The following PTPRD variants were observed in gnomAD, a reference collection of about 807,000 sequenced individuals.
PTPRD encodes receptor-type tyrosine-protein phosphatase delta.
PTPRD carries 34 observed loss-of-function variants against 214.5 expected under a neutral mutation model. That is an observed-to-expected ratio of 0.16 (90% confidence interval 0.12 to 0.21). The LOEUF (loss-of-function observed/expected upper bound fraction) is 0.21, where lower values mean the gene tolerates loss of function less well. Ranked by LOEUF, PTPRD falls within the 10% of genes least tolerant of loss-of-function variation. The pLI is 1.00. For missense variants in PTPRD, 2,545 were observed against 2,398.7 expected, an observed-to-expected ratio of 1.06 and a Z score of -1.27; for synonymous variants, 1,128 against 845.7, an observed-to-expected ratio of 1.33 and a Z score of -5.79.
chr9:9,464,319 C>T (rs956368619), intron 8 of PTPRD, among the ~76,000 whole-genome samples: 3 of 152,118 alleles, frequency 2.0e-5, no homozygotes, highest in Admixed American at 2.0e-4. Context: ...ATCCCCACAG[C>T]TTATTGTTTC....
chr9:8,543,760 TG>T (rs1391501419), intron 14 of PTPRD, among the ~76,000 whole-genome samples: 2 of 152,180 alleles, frequency 1.3e-5, no homozygotes, highest in East Asian at 3.9e-4. Flanking sequence ...TTGTCCAGGC[TG>T]GAGTGCAATG....
intron 2 of PTPRD, among the ~76,000 whole-genome samples, chr9:10,568,509 A>G (rs935736681): frequency 4.6e-5 from 7 of 152,060 alleles, no homozygotes; most frequent in Non-Finnish European, 1.0e-4. Context: ...GTCAAATGGT[A>G]TTTCTAGTTC....
chr9:10,076,965 T>C (rs1051308696), intron 3 of PTPRD, among the ~76,000 whole-genome samples: 2 of 152,180 alleles, frequency 1.3e-5, no homozygotes, highest in Non-Finnish European at 2.9e-5. Flanking sequence ...ACACACTATG[T>C]ACAACCTGAC....
At chr9:8,916,401 T>A (rs2098786144) in intron 11 of PTPRD, among the ~76,000 whole-genome samples, 1 of 152,132 alleles carries the variant, frequency 6.6e-6, no homozygotes, top group Non-Finnish European at 1.5e-5. Context: ...AAGTAGTGGA[T>A]ACACTATGAG....
chr9:10,290,998 A>G (rs1259511005), intron 3 of PTPRD, among the ~76,000 whole-genome samples: 3 of 150,120 alleles, frequency 2.0e-5, no homozygotes, highest in South Asian at 2.1e-4. Flanking sequence ...CTTTTTTTAA[A>G]AACAAATTCC....
At chr9:10,286,450 T>C (rs2095356682) in intron 3 of PTPRD, among the ~76,000 whole-genome samples, 1 of 151,672 alleles carries the variant, frequency 6.6e-6, no homozygotes, top group Non-Finnish European at 1.5e-5. Flanking sequence ...AGAAAATAAA[T>C]ACATTTAAAA....
At chr9:8,778,835 T>C (rs1021243871) in intron 11 of PTPRD, among the ~76,000 whole-genome samples, 5 of 152,098 alleles carry the variant, frequency 3.3e-5, no homozygotes, top group African/African-American at 7.2e-5. Context: ...ACAGAGCCCA[T>C]AGGGTTGCTC....
intron 5 of PTPRD, among the ~76,000 whole-genome samples, chr9:9,818,915 CAAA>C (rs58616042): frequency 0.26 from 22,883 of 88,674 alleles, 2,218 homozygotes; most frequent in African/African-American, 0.42. Flanking sequence ...GACACTGTCT[CAAA>C]AAAAAAAAAA....
At chr9:8,504,773 C>A (rs1006020785) in intron 22 of PTPRD, among the ~76,000 whole-genome samples, 2 of 152,122 alleles carry the variant, frequency 1.3e-5, no homozygotes, top group African/African-American at 4.8e-5. Flanking sequence ...GACACCTGCC[C>A]CTGGTAGTGG....
At chr9:9,885,527 T>C (rs2070520509) in intron 5 of PTPRD, among the ~76,000 whole-genome samples, 1 of 152,144 alleles carries the variant, frequency 6.6e-6, no homozygotes, top group African/African-American at 2.4e-5. Flanking sequence ...AAACGGACTT[T>C]GCAGATTTGA....
intron 2 of PTPRD, among the ~76,000 whole-genome samples, chr9:10,352,241 C>G (rs1338819410): frequency 3.3e-5 from 5 of 151,904 alleles, no homozygotes; most frequent in Non-Finnish European, 5.9e-5. Context: ...ATTACTTTAT[C>G]CTGTTTTAAT....
At chr9:9,677,683 A>G (rs962051223) in intron 7 of PTPRD, among the ~76,000 whole-genome samples, 2 of 151,752 alleles carry the variant, frequency 1.3e-5, no homozygotes, top group African/African-American at 4.8e-5. Flanking sequence ...CTCTCTCACC[A>G]CTCCTATTCA....
At chr9:8,615,093 A>C (rs1375291611) in intron 14 of PTPRD, among the ~76,000 whole-genome samples, 3 of 152,134 alleles carry the variant, frequency 2.0e-5, no homozygotes, top group African/African-American at 7.2e-5. Flanking sequence ...GGGCTTTACC[A>C]GAATGACATT....
At chr9:10,375,840 T>C (rs74769729) in intron 2 of PTPRD, among the ~76,000 whole-genome samples, 6,532 of 152,086 alleles carry the variant, frequency 0.043, 462 homozygotes, top group African/African-American at 0.14. Flanking sequence ...GTGGAGCAAT[T>C]ATTTGTCAAA....
chr9:9,242,167 T>C (rs1174265847), intron 9 of PTPRD, among the ~76,000 whole-genome samples: 2 of 152,224 alleles, frequency 1.3e-5, no homozygotes, highest in Non-Finnish European at 2.9e-5. Context: ...ATGTTGAATA[T>C]TGGTACCCAC....
intron 4 of PTPRD, among the ~76,000 whole-genome samples, chr9:9,975,377 C>A (rs570202979): frequency 4.8e-4 from 73 of 152,282 alleles, no homozygotes; most frequent in African/African-American, 1.6e-3. Flanking sequence ...CATGTGAGAG[C>A]TTTTCAAAAT....
intron 10 of PTPRD, among the ~76,000 whole-genome samples, chr9:9,088,553 C>G (rs1405638011): frequency 8.1e-6 from 1 of 123,968 alleles, no homozygotes; most frequent in Admixed American, 9.8e-5. Context: ...GCACTCCAGC[C>G]TGGGCGACAG....
intron 9 of PTPRD, among the ~76,000 whole-genome samples, chr9:9,295,110 AC>A (rs1401362787): frequency 6.6e-6 from 1 of 151,784 alleles, no homozygotes; most frequent in East Asian, 1.9e-4. Context: ...TTGGTGGCTC[AC>A]AATGAAAAGC....
chr9:10,039,783 G>A (rs1023769652), intron 3 of PTPRD, among the ~76,000 whole-genome samples: 3 of 151,688 alleles, frequency 2.0e-5, no homozygotes, highest in East Asian at 1.9e-4. Flanking sequence ...AATTGGATAC[G>A]ACTGCTTTGG....
Sources: allele counts gnomAD v4.1 joint callset (sites outside exome capture counted in the v4.1 genomes callset), GRCh38; gene constraint gnomAD v4.1.1; transcripts MANE v1.5; gene names NCBI Gene and HGNC (gene_info 2026-07-23, HGNC 2026-07-21).